ABCA4: variants seen among roughly 807,000 people sequenced by gnomAD.
ABCA4 encodes the protein ATP binding cassette subfamily A member 4.
A neutral mutation model predicts 263.7 loss-of-function variants in ABCA4; 196 were observed. The observed-to-expected ratio is 0.74, with a 90% CI of 0.66 to 0.84. The LOEUF is 0.84. Among genes scored for constraint, ABCA4 ranks in the 40% least tolerant of loss-of-function variants. The pLI is 0.00. For missense variants in ABCA4, 2,792 were observed against 2,855.1 expected (o/e 0.98, Z 0.50); for synonymous variants, 1,133 against 1,094.2 (o/e 1.04, Z -0.70).
chr1:94,044,857 G>A, intron 19 of ABCA4, 113 bp from the exon 20 acceptor site: 1 of 1,552,522 alleles, frequency 6.4e-7, no homozygotes, highest in South Asian at 1.1e-5. Context: ...GCCTGGGGCT[G>A]TCAGTCAAAC....
rs1381514403 is a variant in ABCA4 at position 94,029,520 on chromosome 1, G to A, written c.4464C>T (p.Cys1488=). The change falls in exon 30 of 50, where the codon TGC becomes TGT. Residue 1488 remains cysteine (C), a synonymous_variant. Coordinates refer to ENST00000370225, the MANE Select transcript of ABCA4 (RefSeq NM_000350.3). The part of the protein sequence containing the change: ...KWTQVNPSPS[C]RCSTREKLTM... ...TGAGCTTCTCCCTGGTGCTGCACCT[G>A]CAGGATGGTGAAGGGTTGACCTGTG... 6.2e-7 allele frequency: 1 copy of A among 1,608,450 alleles called. No homozygotes were observed. The highest frequency in any genetic ancestry group is 8.5e-7 in the Non-Finnish European group (1 of 1,177,166).
Position 94,037,223 on chromosome 1 carries a change from G to C in ABCA4, c.3735C>G (p.Ser1245Arg). The C allele has an allele frequency of 6.2e-7, 1 of 1,614,196 alleles. No individual in the cohort carries two copies. The highest frequency in any genetic ancestry group is 8.5e-7 in the Non-Finnish European group (1 of 1,180,030). The change falls in exon 25 of 50, where the codon AGC becomes AGG. Residue 1245 changes from serine (S) to arginine (R), a missense_variant. By Grantham distance (110) the Ser-to-Arg change is moderately radical (BLOSUM62 -1). Coordinates refer to ENST00000370225, the MANE Select transcript of ABCA4 (RefSeq NM_000350.3). Reference protein sequence around the residue: ...NKNFKHRAYASLFRELEETLA... With the variant: ...NKNFKHRAYARLFRELEETLA... The stretch of plus-strand genomic sequence containing the variant: ...GCGTCTCCTCCAGCTCTCTGAAAAG[G>C]CTGGCATATGCTCTGTGCTTGAAGT...
At chr1:94,120,943 C>T in intron 1 of ABCA4, 37 bp downstream of exon 1, 3 of 1,464,502 alleles carry the variant, frequency 2.0e-6, no homozygotes, top group Non-Finnish European at 2.8e-6. Flanking sequence ...TTATTTGCTC[C>T]ACACCTCATT....
chr1:94,085,168 T>C (rs1481209894), intron 6 of ABCA4, among the ~76,000 whole-genome samples: 1 of 152,192 alleles, frequency 6.6e-6, no homozygotes. Context: ...AGTTCTTACA[T>C]GTTAGAGATA....
At chr1:94,109,373 C>A (rs565839505) in intron 3 of ABCA4, among the ~76,000 whole-genome samples, 1 of 152,326 alleles carries the variant, frequency 6.6e-6, no homozygotes, top group Non-Finnish European at 1.5e-5. Flanking sequence ...TCCACCCATT[C>A]ACGCAGGTAG....
In ABCA4 at chr1:94,098,916, A is replaced by G. The variant is rs1320363264; in HGVS notation, c.646T>C (p.Phe216Leu). 2.5e-6 allele frequency: 4 copies of G among 1,613,694 alleles called. No individual in the cohort carries two copies. In the African/African-American group the frequency reaches 5.3e-5, roughly 22 times the overall value. Residue 216 changes from phenylalanine to leucine, a missense_variant, in exon 6 of 50, where the codon TTC becomes CTC. By Grantham distance (22) the Phe-to-Leu change is conservative. Transcript: ENST00000370225. ...SEALLERFIIFSQRRGAKTVR... is the reference protein window; with the variant it reads ...SEALLERFIILSQRRGAKTVR... ...GTCTTTGCCCCGCGTCTCTGGCTGA[A>G]GATGATGAAGCGCTCCAGGAGGGCC...
intron 17 of ABCA4, among the ~76,000 whole-genome samples, chr1:94,050,288 A>C (rs375360462): frequency 2.6e-5 from 4 of 151,454 alleles, no homozygotes; most frequent in Non-Finnish European, 5.9e-5. Context: ...GAGTTTAATC[A>C]CTGGAATGAG....
At chr1:94,029,772 T>C (rs2101034018) in intron 29 of ABCA4, 141 bp from the exon 30 acceptor site, 1 of 847,222 alleles carries the variant, frequency 1.2e-6, no homozygotes, top group East Asian at 2.6e-5. Flanking sequence ...GGCTGGTTTC[T>C]GCTCAAGCAA....
At chr1:94,018,558 G>A (rs369828608) in intron 36 of ABCA4, 2 of 455,650 alleles carry the variant, frequency 4.4e-6, no homozygotes, top group African/African-American at 4.0e-5. Context: ...ATATCTTCAG[G>A]AATTCCAATA....
intron 4 of ABCA4, among the ~76,000 whole-genome samples, chr1:94,103,973 C>T (rs1298131598): frequency 6.6e-6 from 1 of 152,216 alleles, no homozygotes; most frequent in Non-Finnish European, 1.5e-5. Flanking sequence ...GTGATTGAGC[C>T]TGTCCCCGTG....
At chr1:94,065,495 C>T (rs914464596) in intron 11 of ABCA4, among the ~76,000 whole-genome samples, 3 of 152,206 alleles carry the variant, frequency 2.0e-5, no homozygotes, top group East Asian at 1.9e-4. Flanking sequence ...CTCTCACTCC[C>T]GAGTCCCACC....
chr1:94,119,247 T>C (rs1662883044), intron 1 of ABCA4, among the ~76,000 whole-genome samples: 1 of 152,134 alleles, frequency 6.6e-6, no homozygotes, highest in Admixed American at 6.5e-5. Context: ...AGTTTCTGAT[T>C]ACTCTTAATA....
chr1:94,049,422 G>A (rs555824081), intron 17 of ABCA4, among the ~76,000 whole-genome samples: 97 of 152,194 alleles, frequency 6.4e-4, no homozygotes, highest in Non-Finnish European at 1.2e-3. Flanking sequence ...TCAGGAGTTC[G>A]AGACCAGTCT....
intron 14 of ABCA4, among the ~76,000 whole-genome samples, chr1:94,057,519 G>T (rs1400816075): frequency 2.0e-5 from 3 of 152,282 alleles, no homozygotes; most frequent in East Asian, 1.9e-4. Context: ...CTGGGGCCTG[G>T]CCTGTCCTAT....
intron 4 of ABCA4, among the ~76,000 whole-genome samples, chr1:94,108,349 CTT>C (rs1490413806): frequency 6.6e-6 from 1 of 152,196 alleles, no homozygotes; most frequent in Non-Finnish European, 1.5e-5. Context: ...TGTCTCTAGA[CTT>C]AACGTGGATG....
chr1:94,080,369 A>T, intron 8 of ABCA4, 109 bp downstream of exon 8: 1 of 1,492,630 alleles, frequency 6.7e-7, no homozygotes, highest in Non-Finnish European at 9.3e-7. Context: ...AAGGCCACTC[A>T]GCAAGACAAG....
At chr1:94,012,914 G>GCT (rs1659592231) in intron 38 of ABCA4, among the ~76,000 whole-genome samples, 3 of 152,190 alleles carry the variant, frequency 2.0e-5, no homozygotes, top group African/African-American at 7.2e-5. Context: ...TCTCACACGG[G>GCT]CCGGCAGCTG....
At chr1:94,022,762 ACT>A (rs1159960918) in intron 32 of ABCA4, among the ~76,000 whole-genome samples, 24 of 151,876 alleles carry the variant, frequency 1.6e-4, no homozygotes, top group African/African-American at 5.8e-4. Context: ...CCTCACTCCT[ACT>A]CTCTGTCTCA....
intron 47 of ABCA4, among the ~76,000 whole-genome samples, chr1:94,000,211 T>C (rs553038503): frequency 1.2e-4 from 19 of 152,238 alleles, no homozygotes; most frequent in Non-Finnish European, 2.1e-4. Context: ...TTCTAGGTTA[T>C]AAAGCATATC....
Sources: gnomAD v4.1 joint callset for allele counts (sites outside exome capture counted in the v4.1 genomes callset) on GRCh38, gnomAD v4.1.1 for gene constraint, MANE v1.5 for transcripts, NCBI Gene and HGNC (gene_info 2026-07-23, HGNC 2026-07-21) for gene names.